SLC1A3: variants seen among roughly 807,000 people sequenced by gnomAD.
SLC1A3 encodes solute carrier family 1 member 3.
In SLC1A3, 21 loss-of-function variants were observed where a neutral mutation model predicts 48.1. The ratio of observed to expected loss-of-function variants is 0.44; its 90% CI spans 0.31 to 0.63. The LOEUF (loss-of-function observed/expected upper bound fraction) is 0.63, where lower values mean the gene tolerates loss of function less well. SLC1A3 is among the 20% of genes least tolerant of loss of function. The pLI is 0.08. For missense variants in SLC1A3, 546 were observed against 689.0 expected, an observed-to-expected ratio of 0.79 and a Z score of 2.32; for synonymous variants, 239 against 251.4, an observed-to-expected ratio of 0.95 and a Z score of 0.47.
At chr5:36,616,059 G>A (rs973603983) in intron 2 of SLC1A3, among the ~76,000 whole-genome samples, 2 of 152,152 alleles carry the variant, frequency 1.3e-5, no homozygotes, top group African/African-American at 2.4e-5. Context: ...AGCCAGGCGC[G>A]GTGGCGGCTG....
chr5:36,676,109 A>G (rs1011279551), intron 5 of SLC1A3, among the ~76,000 whole-genome samples: 3 of 152,208 alleles, frequency 2.0e-5, no homozygotes, highest in Non-Finnish European at 4.4e-5. Flanking sequence ...GTTAGAAGAG[A>G]AACCCCACTA....
intron 8 of SLC1A3, 129 bp downstream of exon 8, chr5:36,680,718 G>C (rs1036115593): frequency 2.6e-6 from 2 of 769,882 alleles, no homozygotes; most frequent in Middle Eastern, 5.0e-4. Context: ...AGGAGTTCAA[G>C]ACTAGCCTGG....
intron 3 of SLC1A3, among the ~76,000 whole-genome samples, chr5:36,639,112 T>C (rs1222273904): frequency 6.6e-6 from 1 of 152,158 alleles, no homozygotes; most frequent in Non-Finnish European, 1.5e-5. Flanking sequence ...AAGCAGTGTG[T>C]GGTAGGGAAT....
chr5:36,681,722 TAA>T (rs1742449340), intron 8 of SLC1A3, among the ~76,000 whole-genome samples: 1 of 152,214 alleles, frequency 6.6e-6, no homozygotes, highest in South Asian at 2.1e-4. Context: ...TTTTGCTTAT[TAA>T]AAGTTATTTT....
At chr5:36,653,630 C>A (rs765279004) in intron 3 of SLC1A3, among the ~76,000 whole-genome samples, 11 of 152,152 alleles carry the variant, frequency 7.2e-5, no homozygotes, top group Non-Finnish European at 1.5e-4. Context: ...CTCTCCTGGG[C>A]CCCTCACTTC....
chr5:36,676,537 C>T (rs1742214193), intron 5 of SLC1A3, among the ~76,000 whole-genome samples: 1 of 152,148 alleles, frequency 6.6e-6, no homozygotes, highest in African/African-American at 2.4e-5. Context: ...CCATTATAGT[C>T]ATTTTATTAG....
intron 1 of SLC1A3, among the ~76,000 whole-genome samples, chr5:36,599,664 C>T (rs191964391): frequency 6.1e-5 from 9 of 146,382 alleles, no homozygotes; most frequent in Admixed American, 5.5e-4. Flanking sequence ...TGTGCGCCAC[C>T]ACGCCTGCTA....
chr5:36,674,462 A>G (rs954262486), intron 5 of SLC1A3, among the ~76,000 whole-genome samples: 7 of 151,050 alleles, frequency 4.6e-5, no homozygotes, highest in Non-Finnish European at 8.8e-5. Context: ...GATTAGAGAG[A>G]TTATTTAGAT....
intron 3 of SLC1A3, among the ~76,000 whole-genome samples, chr5:36,664,590 C>T (rs1026320921): frequency 1.5e-4 from 23 of 152,140 alleles, no homozygotes; most frequent in Admixed American, 1.4e-3. Flanking sequence ...AAAAAAAATT[C>T]TCACAAAACA....
chr5:36,628,389 G>A (rs569495511), intron 2 of SLC1A3, among the ~76,000 whole-genome samples: 1 of 152,010 alleles, frequency 6.6e-6, no homozygotes, highest in African/African-American at 2.4e-5. Flanking sequence ...GTGCCAACCC[G>A]GTATCATTCC....
chr5:36,617,981 T>C (rs908890968), intron 2 of SLC1A3, among the ~76,000 whole-genome samples: 1 of 152,084 alleles, frequency 6.6e-6, no homozygotes, highest in African/African-American at 2.4e-5. Context: ...AGTCATTTGC[T>C]ACAAATGTGG....
intron 8 of SLC1A3, among the ~76,000 whole-genome samples, chr5:36,681,601 T>C (rs1239801549): frequency 6.6e-6 from 1 of 152,214 alleles, no homozygotes; most frequent in Non-Finnish European, 1.5e-5. Flanking sequence ...CTTCCCCCCA[T>C]CTCTTAGTTT....
intron 3 of SLC1A3, 62 bp downstream of exon 3, chr5:36,629,649 C>T: frequency 1.4e-6 from 2 of 1,437,760 alleles, no homozygotes; most frequent in Non-Finnish European, 2.0e-6. Flanking sequence ...CAAAAGATTG[C>T]TTAGAAAAGC....
intron 3 of SLC1A3, 74 bp from the exon 4 acceptor site, chr5:36,670,954 AT>A: frequency 7.7e-7 from 1 of 1,296,188 alleles, no homozygotes; most frequent in Non-Finnish European, 1.1e-6. Flanking sequence ...TATAAAGGAA[AT>A]GCTGTTCCCA....
intron 4 of SLC1A3, 109 bp from the exon 5 acceptor site, chr5:36,673,939 AT>A: frequency 1.1e-6 from 1 of 873,474 alleles, no homozygotes; most frequent in Non-Finnish European, 2.0e-6. Flanking sequence ...TTGTTTTTCC[AT>A]TTGTTGCTTG....
rs3733811 is a variant in SLC1A3, at chr5:36,680,611, C to T, written c.1289+22C>T. On this transcript the variant is annotated intron_variant, in intron 8 of 9. Coordinates refer to ENST00000265113, the MANE Select transcript of SLC1A3 (RefSeq NM_004172.5). ...TCAGGTACAAGGAAAGAGTTCTATA[C>T]ACCCTTTCTTAAGAATGCCTTTAAG... 0.23 allele frequency: 363,165 copies of T among 1,589,488 alleles called. 44,177 individuals are homozygous for T. The highest frequency in any genetic ancestry group is 0.32 in the Admixed American group (19,305 of 59,972).
intron 7 of SLC1A3, 23 bp downstream of exon 7, chr5:36,679,883 T>C (rs1742367130): frequency 1.9e-6 from 3 of 1,549,014 alleles, no homozygotes; most frequent in African/African-American, 1.4e-5. Flanking sequence ...GTGTGGAAAA[T>C]GAGTCTGAAA....
intron 2 of SLC1A3, among the ~76,000 whole-genome samples, chr5:36,625,411 T>G (rs1411375286): frequency 6.6e-6 from 1 of 152,176 alleles, no homozygotes; most frequent in Non-Finnish European, 1.5e-5. Context: ...GAGCCGAGAT[T>G]GTGCCACTGC....
At position 36,646,847 on chromosome 5, in the gene SLC1A3, T is replaced by C. The variant is rs1298089006; in HGVS notation, c.319+17260T>C. ...CCCACAAATAATGTTCAAAGAGCTA[T>C]TTTTGAGGAAAGGATTCCTCACATT... On this transcript the variant is annotated intron_variant, in intron 3 of 9. Coordinates refer to ENST00000265113, the MANE Select transcript of SLC1A3 (RefSeq NM_004172.5). Among the ~76,000 whole-genome samples the C allele has an allele frequency of 3.3e-5, 5 of 152,346 alleles. No individual in the cohort carries two copies. The South Asian group carries it at 1.0e-3, about 32-fold the overall frequency.
Sources: allele counts gnomAD v4.1 joint callset (sites outside exome capture counted in the v4.1 genomes callset), GRCh38; gene constraint gnomAD v4.1.1; transcripts MANE v1.5; gene names NCBI Gene and HGNC (gene_info 2026-07-23, HGNC 2026-07-21).